Variants in DNAI7 observed in about 807,000 individuals in gnomAD.
DNAI7 encodes the protein dynein axonemal intermediate chain 7, also known as cancer susceptibility 1.
DNAI7 carries 78 observed loss-of-function variants against 86.6 expected under a neutral mutation model. That is an observed-to-expected ratio of 0.90 (90% confidence interval 0.75 to 1.09). The LOEUF (loss-of-function observed/expected upper bound fraction) is 1.09. Among genes scored for constraint, DNAI7 ranks in the 50% least tolerant of loss-of-function variants. DNAI7 has a pLI of 0.00. For missense variants in DNAI7, 753 were observed against 810.2 expected (o/e 0.93, Z 0.86); for synonymous variants, 274 against 273.0 (o/e 1.00, Z -0.04).
At chr12:25,182,590 T>C (rs1001463184) in intron 2 of DNAI7, among the ~76,000 whole-genome samples, 70 of 86,766 alleles carry the variant, frequency 8.1e-4, no homozygotes, top group African/African-American at 2.7e-3. Context: ...GCCAGAGTGA[T>C]AGAGTGAGAC....
rs149859511 is a variant in DNAI7, at chr12:25,136,346, T to A, written c.1002+8019A>T. On this transcript the variant is annotated intron_variant, in intron 9 of 15. Coordinates refer to ENST00000395987, the MANE Select transcript of DNAI7 (RefSeq NM_018272.5). ...GCATTCTGGCTCTCAGGAAGCCTCA[T>A]CTGTAGGGGAAGGGGGAGAGCCCAT... 8.1e-4 allele frequency among the ~76,000 whole-genome samples: 124 copies of A among 152,200 alleles called. No homozygotes were observed. The East Asian group carries it at 0.021, about 26-fold the overall frequency.
At chr12:25,123,958 A>G (rs1012393293) in intron 9 of DNAI7, among the ~76,000 whole-genome samples, 12 of 152,064 alleles carry the variant, frequency 7.9e-5, no homozygotes, top group Non-Finnish European at 1.5e-4. Context: ...TTAAGGGTCA[A>G]ATAAGATAAT....
intron 9 of DNAI7, among the ~76,000 whole-genome samples, chr12:25,135,318 C>A (rs190425274): frequency 4.6e-5 from 7 of 152,306 alleles, no homozygotes; most frequent in Non-Finnish European, 7.3e-5. Context: ...GCCCTGTAGG[C>A]GCTCCTGGTC....
chr12:25,111,755 G>C lies in DNAI7; in HGVS notation c.1779+17C>G. ...TTAAATGCACGCCACATTAAATTTG[G>C]AAAGATTCATTCTTGCCTTATTGTT... On this transcript the variant is annotated intron_variant, in intron 14 of 15. Transcript: ENST00000395987. 4.0e-6 allele frequency: 6 copies of C among 1,513,736 alleles called. No individual in the cohort carries two copies. Among genetic ancestry groups the C allele is most frequent in the Non-Finnish European group, 5.3e-6 (6 of 1,128,720 alleles). 93.8% of individuals were successfully genotyped at this position (1,513,736 alleles called of 1,614,324 possible).
intron 9 of DNAI7, among the ~76,000 whole-genome samples, chr12:25,124,070 T>C (rs1350436445): frequency 2.9e-5 from 2 of 67,800 alleles, no homozygotes; most frequent in Non-Finnish European, 8.1e-5. Context: ...GTGCTAATAC[T>C]TGCAAATTGA....
chr12:25,142,776 C>T (rs1305592483), intron 9 of DNAI7, among the ~76,000 whole-genome samples: 1 of 152,140 alleles, frequency 6.6e-6, no homozygotes, highest in East Asian at 1.9e-4. Flanking sequence ...TTGTATTTTA[C>T]TCCATATTGA....
In DNAI7 at chr12:25,155,312, T is replaced by A. The variant is rs773775552; in HGVS notation, c.299A>T (p.Gln100Leu). The A allele has an allele frequency of 7.0e-6, 11 of 1,564,634 alleles. No individual in the cohort carries two copies. Among genetic ancestry groups the A allele is most frequent in the Admixed American group, 1.7e-5 (1 of 58,712 alleles). ...CTAAAAAAGAGAAATCAGTCCTACC[T>A]GAGAAAGCAATTTAGTTTCCTGTTT... ...KLKQETKLLS[Q>L]WKHYIQCDGS... is the part of the protein sequence containing the mutation. Residue 100 changes from glutamine (Q) to leucine (L), a missense_variant and splice_region_variant, in exon 5 of 16, where the codon CAG (glutamine) becomes CTG (leucine). Transcript: ENST00000395987.
At chr12:25,133,461 G>C (rs1247709293) in intron 9 of DNAI7, among the ~76,000 whole-genome samples, 4 of 152,110 alleles carry the variant, frequency 2.6e-5, no homozygotes, top group Non-Finnish European at 5.9e-5. Flanking sequence ...TTCAGAATCT[G>C]TGGCAAGTAT....
intron 13 of DNAI7, 145 bp downstream of exon 13, chr12:25,114,511 C>G (rs1337422462): frequency 1.7e-6 from 1 of 575,552 alleles, no homozygotes; most frequent in Non-Finnish European, 3.1e-6. Flanking sequence ...AAATATAGCT[C>G]AAGGTACATT....
At chr12:25,135,221 C>A (rs571649455) in intron 9 of DNAI7, among the ~76,000 whole-genome samples, 1 of 152,324 alleles carries the variant, frequency 6.6e-6, no homozygotes, top group African/African-American at 2.4e-5. Flanking sequence ...AAATCCAGAT[C>A]ATGGGAGAAG....
At chr12:25,162,519 C>A (rs957986946) in intron 2 of DNAI7, among the ~76,000 whole-genome samples, 2 of 152,158 alleles carry the variant, frequency 1.3e-5, no homozygotes, top group Admixed American at 1.3e-4. Context: ...AGAGCACCAT[C>A]TACATTTAAG....
chr12:25,107,798 A>T, downstream of DNAI7: 1 of 1,599,928 alleles, frequency 6.3e-7, no homozygotes, highest in African/African-American at 1.3e-5. Flanking sequence ...ACCAAATTCT[A>T]TTTGTGTTTT....
At chr12:25,152,834 A>C (rs1053239534) in intron 6 of DNAI7, among the ~76,000 whole-genome samples, 2 of 152,198 alleles carry the variant, frequency 1.3e-5, no homozygotes, top group Non-Finnish European at 2.9e-5. Context: ...TTGGTGTGAG[A>C]AAACCCCACA....
chr12:25,164,934 C>A (rs34898174), intron 2 of DNAI7, among the ~76,000 whole-genome samples: 35 of 151,986 alleles, frequency 2.3e-4, no homozygotes, highest in Admixed American at 5.9e-4. Flanking sequence ...AGCCCTCCCC[C>A]ACCTGCCCAG....
At chr12:25,124,212 G>A (rs2140495537) in intron 9 of DNAI7, among the ~76,000 whole-genome samples, 1 of 152,190 alleles carries the variant, frequency 6.6e-6, no homozygotes, top group South Asian at 2.1e-4. Context: ...ATCATACACA[G>A]ACAAGTCCCC....
At chr12:25,161,693 C>T (rs1183778312) in intron 2 of DNAI7, among the ~76,000 whole-genome samples, 1 of 152,156 alleles carries the variant, frequency 6.6e-6, no homozygotes, top group Non-Finnish European at 1.5e-5. Context: ...GTATTTAAAT[C>T]TGTGCTCAAA....
chr12:25,124,280 CT>C (rs148933082), intron 9 of DNAI7, among the ~76,000 whole-genome samples: 10,975 of 152,118 alleles, frequency 0.072, 417 homozygotes, highest in South Asian at 0.13. Flanking sequence ...TGTCTTCCCC[CT>C]GACCAGCTTT....
chr12:25,118,045 T>C (rs980751752), intron 12 of DNAI7, among the ~76,000 whole-genome samples: 2 of 151,030 alleles, frequency 1.3e-5, no homozygotes, highest in African/African-American at 4.9e-5. Flanking sequence ...GCAATTCTCC[T>C]GCCTCAGCCT....
chr12:25,174,489 C>CATATATATGGGAT (rs1246293021), intron 2 of DNAI7, among the ~76,000 whole-genome samples: 1 of 14,102 alleles, frequency 7.1e-5, no homozygotes, highest in African/African-American at 2.1e-4. Flanking sequence ...ATATATATAT[C>CATATATATGGGAT]ATATATCCCA....
Sources: gnomAD v4.1 joint callset for allele counts (sites outside exome capture counted in the v4.1 genomes callset) on GRCh38, gnomAD v4.1.1 for gene constraint, MANE v1.5 for transcripts, NCBI Gene and HGNC (gene_info 2026-07-23, HGNC 2026-07-21) for gene names.